Variants in NINL observed in about 807,000 individuals in gnomAD.
NINL encodes ninein-like protein.
In NINL, 153 loss-of-function variants were observed where a neutral mutation model predicts 160.3. That is an observed-to-expected ratio of 0.95 (90% CI 0.84 to 1.09). NINL has a LOEUF of 1.09. Ranked by LOEUF, NINL falls within the 50% of genes least tolerant of loss-of-function variation. The pLI, the probability that NINL is intolerant of heterozygous loss-of-function variation, is 0.00. For missense variants in NINL, 1,829 were observed against 1,764.0 expected (o/e 1.04, Z -0.66); for synonymous variants, 800 against 734.8 (o/e 1.09, Z -1.43).
rs1215217505 is a variant in NINL at position 25,480,209 on chromosome 20, C to A, written c.1869G>T (p.Glu623Asp). 2.5e-6 allele frequency: 4 copies of A among 1,613,994 alleles called. No individual in the cohort carries two copies. The highest frequency in any genetic ancestry group is 2.5e-6 in the Non-Finnish European group (3 of 1,180,038). ...GGTCTTGGTAATGCTCCTTTACCTG[C>A]TCCATCATCAGCTCCGTTTCTATAC... is the stretch of plus-strand genomic sequence containing the variant. ...PVSIETELMM[E>D]QVKEHYQDLR... The change falls in exon 15 of 24, where the codon GAG becomes GAT. Residue 623 changes from glutamate to aspartate, a missense_variant. By Grantham distance (45) the Glu-to-Asp change is conservative (BLOSUM62 2). Transcript: ENST00000278886.
intron 2 of NINL, 54 bp downstream of exon 2, chr20:25,526,354 G>A: frequency 1.0e-5 from 15 of 1,490,022 alleles, no homozygotes; most frequent in Non-Finnish European, 1.4e-5. Context: ...ATGCCCATAA[G>A]AGCCAACTAT....
intron 1 of NINL, among the ~76,000 whole-genome samples, chr20:25,565,447 A>T (rs1424263816): frequency 1.3e-5 from 2 of 152,124 alleles, no homozygotes; most frequent in Non-Finnish European, 2.9e-5. Context: ...GAAGACAGGC[A>T]GGCAGGCAAA....
At chr20:25,556,738 T>C (rs1032414433) in intron 1 of NINL, among the ~76,000 whole-genome samples, 1 of 152,100 alleles carries the variant, frequency 6.6e-6, no homozygotes, top group Admixed American at 6.6e-5. Context: ...GCCCAGGAGA[T>C]CGAGGCTGCA....
At chr20:25,486,647 G>A (rs1262591385) in intron 13 of NINL, among the ~76,000 whole-genome samples, 3 of 152,272 alleles carry the variant, frequency 2.0e-5, no homozygotes, top group East Asian at 1.9e-4. Flanking sequence ...AGAATGAGAC[G>A]TGCAGGGAAC....
intron 17 of NINL, among the ~76,000 whole-genome samples, chr20:25,470,871 A>G (rs527889695): frequency 1.3e-5 from 2 of 152,276 alleles, no homozygotes; most frequent in East Asian, 3.9e-4. Flanking sequence ...CTTAAGACCC[A>G]TACTTGCTAC....
At chr20:25,465,877 G>A (rs1022373648) in intron 19 of NINL, among the ~76,000 whole-genome samples, 2 of 152,198 alleles carry the variant, frequency 1.3e-5, no homozygotes, top group African/African-American at 4.8e-5. Flanking sequence ...AATATGGTCT[G>A]AATACTGATA....
chr20:25,578,125 T>C (rs1376593349), intron 1 of NINL, among the ~76,000 whole-genome samples: 2 of 150,960 alleles, frequency 1.3e-5, no homozygotes, highest in South Asian at 4.2e-4. Flanking sequence ...ATTTTTTTTT[T>C]TTTTAGACGG....
intron 1 of NINL, among the ~76,000 whole-genome samples, chr20:25,569,668 C>G (rs1445446916): frequency 6.6e-6 from 1 of 152,172 alleles, no homozygotes; most frequent in South Asian, 2.1e-4. Context: ...CCTGAGAGGC[C>G]GACGACTGGT....
intron 1 of NINL, among the ~76,000 whole-genome samples, chr20:25,555,785 G>A (rs191132857): frequency 1.5e-4 from 23 of 152,194 alleles, no homozygotes; most frequent in African/African-American, 2.9e-4. Context: ...AGCGATTCTC[G>A]TGCCTCAGCC....
At chr20:25,541,789 T>A (rs967565013) in intron 1 of NINL, among the ~76,000 whole-genome samples, 2 of 152,006 alleles carry the variant, frequency 1.3e-5, no homozygotes, top group Non-Finnish European at 2.9e-5. Context: ...ATAACAGAAA[T>A]AGAAGAAATG....
intron 1 of NINL, among the ~76,000 whole-genome samples, chr20:25,556,454 T>C (rs34891331): frequency 0.03 from 4,538 of 151,900 alleles, 89 homozygotes; most frequent in South Asian, 0.059. Flanking sequence ...TGAAACCCTG[T>C]CTCTAAAGAA....
chr20:25,583,972 G>T (rs546143145), intron 1 of NINL, among the ~76,000 whole-genome samples: 1 of 152,164 alleles, frequency 6.6e-6, no homozygotes, highest in East Asian at 1.9e-4. Context: ...TCACACATCG[G>T]GACCTGTCGG....
intron 1 of NINL, among the ~76,000 whole-genome samples, chr20:25,543,494 C>CATAG (rs916291477): frequency 1.3e-5 from 2 of 152,172 alleles, no homozygotes; most frequent in Non-Finnish European, 2.9e-5. Context: ...GAGGAGGGAA[C>CATAG]CTATGGCTGT....
intron 3 of NINL, among the ~76,000 whole-genome samples, chr20:25,514,569 G>A (rs553334824): frequency 6.6e-5 from 10 of 152,234 alleles, no homozygotes; most frequent in African/African-American, 2.4e-4. Flanking sequence ...TAGTAAAGAG[G>A]AGCCGGATGT....
At chr20:25,462,258 G>T in intron 20 of NINL, 125 bp downstream of exon 20, 2 of 827,286 alleles carry the variant, frequency 2.4e-6, no homozygotes, top group Non-Finnish European at 3.7e-6. Flanking sequence ...CTTCTCCAAG[G>T]CATGCTTGGG....
chr20:25,494,363 ACAG>A (rs1322497605), intron 10 of NINL, among the ~76,000 whole-genome samples: 2 of 151,524 alleles, frequency 1.3e-5, no homozygotes, highest in Non-Finnish European at 2.9e-5. Context: ...ACATACACTC[ACAG>A]CACCCACATG....
At chr20:25,484,228 C>T (rs889675633) in intron 13 of NINL, among the ~76,000 whole-genome samples, 1 of 152,136 alleles carries the variant, frequency 6.6e-6, no homozygotes, top group African/African-American at 2.4e-5. Context: ...TACAAAGAAA[C>T]CCCAAAAGTG....
chr20:25,461,517 C>T lies in NINL; in HGVS notation c.3696+5G>A. On this transcript the variant is annotated splice_donor_5th_base_variant and intron_variant, in intron 21 of 23. Transcript: ENST00000278886. ...CCAGTGCCTCCAGCCATCGCTCACA[C>T]CCACCTGGTCTTGACTTTCCTCAAG... 3.3e-6 allele frequency: 5 copies of T among 1,537,790 alleles called. No homozygotes were observed. Among genetic ancestry groups the T allele is most frequent in the Non-Finnish European group, 4.4e-6 (5 of 1,142,548 alleles).
intron 17 of NINL, among the ~76,000 whole-genome samples, chr20:25,473,367 C>A (rs2063150657): frequency 6.6e-6 from 1 of 150,910 alleles, no homozygotes; most frequent in Non-Finnish European, 1.5e-5. Context: ...CAAGGAGGAT[C>A]CACTTTGGGA....
Sources: gnomAD v4.1 joint callset for allele counts (sites outside exome capture counted in the v4.1 genomes callset) on GRCh38, gnomAD v4.1.1 for gene constraint, MANE v1.5 for transcripts, NCBI Gene and HGNC (gene_info 2026-07-23, HGNC 2026-07-21) for gene names.